TPST1: variants seen among roughly 807,000 people sequenced by gnomAD.
TPST1 encodes protein-tyrosine sulfotransferase 1.
Under a neutral mutation model 34.8 loss-of-function variants are expected in TPST1, and 20 were observed. The observed-to-expected ratio is 0.57, with a 90% confidence interval of 0.40 to 0.84. TPST1 has a LOEUF of 0.84. TPST1 is among the 40% of genes least tolerant of loss of function. The pLI is 0.00. For missense variants in TPST1, 353 were observed against 455.5 expected, an observed-to-expected ratio of 0.78 and a Z score of 2.05; for synonymous variants, 152 against 159.4, an observed-to-expected ratio of 0.95 and a Z score of 0.35.
At chr7:66,276,385 T>TATATATATATA (rs1431495136) in intron 2 of TPST1, among the ~76,000 whole-genome samples, 18 of 137,708 alleles carry the variant, frequency 1.3e-4, no homozygotes, top group South Asian at 2.2e-4. Context: ...TATATATGTA[T>TATATATATATA]TTTTTTGAGG....
At chr7:66,221,559 G>A (rs1789544373) in intron 1 of TPST1, 1 of 152,192 alleles carries the variant, frequency 6.6e-6, no homozygotes, top group African/African-American at 2.4e-5. Flanking sequence ...AAATGATCAA[G>A]TCTGAGATTG....
At chr7:66,250,499 G>A (rs938119853) in intron 2 of TPST1, among the ~76,000 whole-genome samples, 1 of 152,150 alleles carries the variant, frequency 6.6e-6, no homozygotes, top group African/African-American at 2.4e-5. Context: ...GACCTTGAGT[G>A]AGTTATTTGG....
At chr7:66,282,615 C>T (rs1328957481) in intron 2 of TPST1, among the ~76,000 whole-genome samples, 2 of 152,160 alleles carry the variant, frequency 1.3e-5, no homozygotes. Context: ...TCTGCGTTCT[C>T]TCCACTACAC....
At chr7:66,200,262 G>C in the TPST1 span, among the ~76,000 whole-genome samples, 1 of 152,110 alleles carries the variant, frequency 6.6e-6, no homozygotes, top group East Asian at 1.9e-4. Context: ...AGAGGAGAGA[G>C]ACTCGCAGCT....
At chr7:66,200,863 A>T (rs1372584656), upstream of TPST1, among the ~76,000 whole-genome samples, 1 of 152,054 alleles carries the variant, frequency 6.6e-6, no homozygotes, top group East Asian at 1.9e-4. Context: ...AGTTGCTGGG[A>T]TTACAGGTGT....
intron 1 of TPST1, among the ~76,000 whole-genome samples, chr7:66,227,028 C>CTTTTCTTTTTTT (rs1789670352): frequency 1.4e-5 from 1 of 69,200 alleles, no homozygotes; most frequent in East Asian, 4.5e-4. Flanking sequence ...TTAAAATAAG[C>CTTTTCTTTTTTT]TTTTTTTTTT....
chr7:66,293,825 A>G (rs542832081), intron 3 of TPST1, among the ~76,000 whole-genome samples: 1 of 152,348 alleles, frequency 6.6e-6, no homozygotes, highest in South Asian at 2.1e-4. Flanking sequence ...CACTAGAAAA[A>G]TTATTAAACA....
intron 3 of TPST1, among the ~76,000 whole-genome samples, 186 bp from the exon 4 acceptor site, chr7:66,352,319 T>G (rs1463719691): frequency 1.3e-5 from 2 of 152,196 alleles, no homozygotes; most frequent in African/African-American, 4.8e-5. Flanking sequence ...CAGGAGGGAA[T>G]TACAGTGAAT....
chr7:66,217,063 A>G (rs1211918203), intron 1 of TPST1, among the ~76,000 whole-genome samples: 1 of 152,070 alleles, frequency 6.6e-6, no homozygotes, highest in Non-Finnish European at 1.5e-5. Flanking sequence ...TATACTTTAT[A>G]TGTTTTCAGT....
intron 1 of TPST1, among the ~76,000 whole-genome samples, chr7:66,231,665 A>C (rs933138745): frequency 2.6e-5 from 4 of 152,222 alleles, no homozygotes; most frequent in African/African-American, 4.8e-5. Flanking sequence ...GCCCACCCGG[A>C]ACTCCAGCTA....
intron 4 of TPST1, among the ~76,000 whole-genome samples, chr7:66,354,855 G>T (rs1290497275): frequency 2.0e-5 from 3 of 151,992 alleles, no homozygotes; most frequent in African/African-American, 7.2e-5. Flanking sequence ...AATTAGCTGG[G>T]TGTGGTGCAT....
Position 66,279,909 on chromosome 7 carries a change from T to A in TPST1, c.846-6602T>A, listed in dbSNP as rs545085400. 2.0e-4 allele frequency among the ~76,000 whole-genome samples: 31 copies of A among 152,274 alleles called. No individual in the cohort carries two copies. In the East Asian group the frequency reaches 6.0e-3, roughly 29 times the overall value. ...GAACAGTAGCTAAACTGACAAGAGA[T>A]CAATCAAAAGGGCTTTAAATGGAGC... On this transcript the variant is annotated intron_variant, in intron 2 of 5. Coordinates refer to ENST00000304842, the MANE Select transcript of TPST1 (RefSeq NM_003596.4).
chr7:66,354,102 C>T (rs1792534864), intron 4 of TPST1, among the ~76,000 whole-genome samples: 1 of 152,132 alleles, frequency 6.6e-6, no homozygotes, highest in African/African-American at 2.4e-5. Flanking sequence ...AGAGTAAGTC[C>T]TCAGGAGTCA....
rs1002803342 is a variant in TPST1, at chr7:66,286,446, G to T, written c.846-65G>T. On this transcript the variant is annotated intron_variant, in intron 2 of 5. Coordinates refer to ENST00000304842, the MANE Select transcript of TPST1 (RefSeq NM_003596.4). ...TAGTCATTAAAACATAATTTATAGTGGTTTTAAAGCATGATTTTCTAAAAA... is the reference window on the plus strand; with the variant it reads ...TAGTCATTAAAACATAATTTATAGTTGTTTTAAAGCATGATTTTCTAAAAA... The T allele has an allele frequency of 2.9e-4, 354 of 1,228,688 alleles. 1 individual carries two copies. Among genetic ancestry groups the T allele is most frequent in the Non-Finnish European group, 3.5e-4 (334 of 943,014 alleles). The allele number at this position is 1,228,688 out of a possible 1,614,324, so 76.1% of individuals were successfully genotyped here.
At chr7:66,354,121 A>G (rs1450415053) in intron 4 of TPST1, among the ~76,000 whole-genome samples, 1 of 152,216 alleles carries the variant, frequency 6.6e-6, no homozygotes, top group Non-Finnish European at 1.5e-5. Flanking sequence ...CACGGGGGAA[A>G]GAAAGACCTC....
At chr7:66,334,063 A>G (rs978607507) in intron 3 of TPST1, among the ~76,000 whole-genome samples, 3 of 152,172 alleles carry the variant, frequency 2.0e-5, no homozygotes, top group Non-Finnish European at 4.4e-5. Context: ...TTCACCCTGA[A>G]CCCTACAAAT....
intron 2 of TPST1, among the ~76,000 whole-genome samples, chr7:66,246,400 A>ATT (rs1790151280): frequency 2.0e-5 from 3 of 152,050 alleles, no homozygotes; most frequent in Non-Finnish European, 4.4e-5. Context: ...AATTGAATAA[A>ATT]CAAGGGATAC....
At position 66,299,191 on chromosome 7, in the gene TPST1, T is replaced by C. The variant is rs573984213; in HGVS notation, c.1044+12482T>C. Among the ~76,000 whole-genome samples the C allele has an allele frequency of 2.6e-5, 4 of 152,196 alleles. No homozygotes were observed. The East Asian group carries it at 7.7e-4, about 29-fold the overall frequency. The stretch of plus-strand genomic sequence containing the variant: ...TGTGGGCCACAGTTGGGCTCTTTGT[T>C]CTTTACTTGAAGATCCAGATTTTCA... On this transcript the variant is annotated intron_variant, in intron 3 of 5. Coordinates refer to ENST00000304842, the MANE Select transcript of TPST1 (RefSeq NM_003596.4).
At chr7:66,229,026 C>T (rs1789721899) in intron 1 of TPST1, among the ~76,000 whole-genome samples, 1 of 152,138 alleles carries the variant, frequency 6.6e-6, no homozygotes, top group Non-Finnish European at 1.5e-5. Context: ...CCAGTTATAT[C>T]CCTTTATAGT....
Sources: allele counts gnomAD v4.1 joint callset (sites outside exome capture counted in the v4.1 genomes callset), GRCh38; gene constraint gnomAD v4.1.1; transcripts MANE v1.5; gene names NCBI Gene and HGNC (gene_info 2026-07-23, HGNC 2026-07-21).